Variants in AGPAT5 observed in about 807,000 individuals in gnomAD.
The protein encoded by AGPAT5 is 1-acyl-sn-glycerol-3-phosphate acyltransferase epsilon.
Under a neutral mutation model 45.6 loss-of-function variants are expected in AGPAT5, and 46 were observed. The ratio of observed to expected loss-of-function variants is 1.01; its 90% CI spans 0.80 to 1.29. The LOEUF (loss-of-function observed/expected upper bound fraction) is 1.29. Among genes scored for constraint, AGPAT5 ranks in the 50% most tolerant of loss-of-function variants. The probability of loss-of-function intolerance (pLI) is 0.00; values close to 1 mark genes in which losing one functional copy is unlikely to be tolerated. For missense variants in AGPAT5, 673 were observed against 450.7 expected (o/e 1.49, Z -4.47); for synonymous variants, 272 against 167.0 (o/e 1.63, Z -4.85).
intron 1 of AGPAT5, among the ~76,000 whole-genome samples, chr8:6,722,519 T>C (rs182855749): frequency 6.6e-6 from 1 of 152,346 alleles, no homozygotes; most frequent in East Asian, 1.9e-4. Flanking sequence ...TCTGTGACAT[T>C]GTGTTATGGA....
Position 6,759,963 on chromosome 8 carries a change from A to G in AGPAT5, c.*2575A>G, listed in dbSNP as rs974299037. ...TGCCTTAAATTAACTAAGTTGGTGA[A>G]TAAAAGTGCCGATCTGGCTAACTCT... On this transcript the variant is annotated 3_prime_UTR_variant, in exon 8 of 8. Transcript: ENST00000285518. 2.6e-5 allele frequency among the ~76,000 whole-genome samples: 4 copies of G among 152,240 alleles called. No individual in the cohort carries two copies. Among genetic ancestry groups the G allele is most frequent in the Non-Finnish European group, 5.9e-5 (4 of 68,048 alleles).
chr8:6,737,046 A>G (rs1016406208), intron 4 of AGPAT5, among the ~76,000 whole-genome samples: 1 of 152,240 alleles, frequency 6.6e-6, no homozygotes, highest in Non-Finnish European at 1.5e-5. Flanking sequence ...TGTTTTCAGT[A>G]GGAAGGTTGA....
intron 5 of AGPAT5, among the ~76,000 whole-genome samples, chr8:6,743,691 C>G (rs1162822084): frequency 6.6e-6 from 1 of 151,252 alleles, no homozygotes; most frequent in Non-Finnish European, 1.5e-5. Flanking sequence ...AGGTATTTGG[C>G]TTTCTAATGG....
intron 7 of AGPAT5, among the ~76,000 whole-genome samples, chr8:6,756,901 A>T (rs1801860294): frequency 1.3e-5 from 2 of 152,220 alleles, no homozygotes. Flanking sequence ...TAAAAGACAA[A>T]AAGCATCCTC....
chr8:6,738,649 C>T (rs1245295583), intron 4 of AGPAT5: 1 of 152,166 alleles, frequency 6.6e-6, no homozygotes, highest in Non-Finnish European at 1.5e-5. Context: ...CCGTGAAGCT[C>T]AGTAAAGCGA....
At chr8:6,715,201 G>C (rs900762971) in intron 1 of AGPAT5, among the ~76,000 whole-genome samples, 5 of 152,182 alleles carry the variant, frequency 3.3e-5, no homozygotes, top group Non-Finnish European at 7.4e-5. Context: ...AAAATTTACT[G>C]TGCCATGCCA....
chr8:6,710,519 C>T (rs1371300726), intron 1 of AGPAT5, among the ~76,000 whole-genome samples: 3 of 152,138 alleles, frequency 2.0e-5, no homozygotes, highest in Non-Finnish European at 4.4e-5. Flanking sequence ...ACTGATTGCC[C>T]ACTGATCATC....
At chr8:6,721,731 T>G (rs1389946912) in intron 1 of AGPAT5, among the ~76,000 whole-genome samples, 2 of 152,222 alleles carry the variant, frequency 1.3e-5, no homozygotes, top group African/African-American at 2.4e-5. Context: ...GACTGTTCCT[T>G]TACCCTTGTA....
At chr8:6,742,498 C>G (rs1199382934) in intron 5 of AGPAT5, among the ~76,000 whole-genome samples, 2 of 152,130 alleles carry the variant, frequency 1.3e-5, no homozygotes, top group African/African-American at 2.4e-5. Flanking sequence ...TTGATAGTCA[C>G]TCACTGAGCA....
At chr8:6,724,651 T>C (rs1441844417) in intron 1 of AGPAT5, among the ~76,000 whole-genome samples, 1 of 95,994 alleles carries the variant, frequency 1.0e-5, no homozygotes, top group Non-Finnish European at 2.0e-5. Flanking sequence ...ATATTGATTA[T>C]TCTATTTTAA....
intron 6 of AGPAT5, among the ~76,000 whole-genome samples, chr8:6,751,372 CTGTT>C (rs1801649773): frequency 6.6e-6 from 1 of 152,172 alleles, no homozygotes; most frequent in Non-Finnish European, 1.5e-5. Context: ...TGGGGGATCA[CTGTT>C]TGTCAGAATT....
At position 6,728,108 on chromosome 8, in the gene AGPAT5, C is replaced by A. The variant is rs139017691; in HGVS notation, c.290-2603C>A. Among the ~76,000 whole-genome samples, 248 of 152,318 alleles carry A rather than the reference C, an allele frequency of 1.6e-3. 1 individual carries two copies. Among genetic ancestry groups the A allele is most frequent in the African/African-American group, 5.8e-3 (241 of 41,566 alleles). ...CCTCATGAATTAGGAACTGCTGTTT[C>A]ATGAGGATAGGGATGAGGAAATTAG... On this transcript the variant is annotated intron_variant, in intron 2 of 7. Coordinates refer to ENST00000285518, the MANE Select transcript of AGPAT5 (RefSeq NM_018361.5).
intron 4 of AGPAT5, among the ~76,000 whole-genome samples, chr8:6,739,954 C>T (rs775801261): frequency 4.1e-4 from 62 of 152,188 alleles, no homozygotes; most frequent in Non-Finnish European, 7.7e-4. Context: ...GCAATCATAT[C>T]ATGATATGTA....
In AGPAT5 at chr8:6,723,763, G is replaced by C. The variant is rs543763996; in HGVS notation, c.220-1107G>C. ...TCTAAGGAAAGTAATGGAAACCTTTGTCACATCCCTGGCTTCCAGAACTTT... is the reference window on the plus strand; with the variant it reads ...TCTAAGGAAAGTAATGGAAACCTTTCTCACATCCCTGGCTTCCAGAACTTT... On this transcript the variant is annotated intron_variant, in intron 1 of 7. Transcript: ENST00000285518. Among the ~76,000 whole-genome samples the C allele has an allele frequency of 9.2e-5, 14 of 152,318 alleles. No individual in the cohort carries two copies. The South Asian group carries it at 2.3e-3, about 25-fold the overall frequency.
intron 1 of AGPAT5, among the ~76,000 whole-genome samples, chr8:6,715,939 G>A (rs755754106): frequency 5.3e-5 from 8 of 152,096 alleles, no homozygotes; most frequent in Non-Finnish European, 8.8e-5. Context: ...TTGAAGCATG[G>A]CATTCAAGGT....
chr8:6,716,872 G>A lies in AGPAT5; in HGVS notation c.219+7985G>A, dbSNP rs141008989. ...AAACAAAACAAAACAGAGAGAAAAGGCAGAGTACTCTAGGGAATTCTAGTC... is the reference window on the plus strand; with the variant it reads ...AAACAAAACAAAACAGAGAGAAAAGACAGAGTACTCTAGGGAATTCTAGTC... On this transcript the variant is annotated intron_variant, in intron 1 of 7. Transcript: ENST00000285518. Among the ~76,000 whole-genome samples, 1,373 of 152,192 alleles carry A rather than the reference G, an allele frequency of 9.0e-3. 28 individuals are homozygous for A. Among genetic ancestry groups the A allele is most frequent in the African/African-American group, 0.03 (1,257 of 41,504 alleles).
chr8:6,724,795 C>A, intron 1 of AGPAT5, 75 bp from the exon 2 acceptor site: 1 of 450,618 alleles, frequency 2.2e-6, no homozygotes, highest in Non-Finnish European at 3.8e-6. Context: ...TCGTCAGTTT[C>A]TTCACATTGT....
intron 4 of AGPAT5, among the ~76,000 whole-genome samples, chr8:6,733,959 T>C (rs1173891710): frequency 6.6e-6 from 1 of 152,176 alleles, no homozygotes; most frequent in African/African-American, 2.4e-5. Context: ...GCTGAAAAAA[T>C]CAGCTCTTTA....
chr8:6,720,010 T>C (rs1800450071), intron 1 of AGPAT5, among the ~76,000 whole-genome samples: 1 of 152,196 alleles, frequency 6.6e-6, no homozygotes, highest in East Asian at 1.9e-4. Context: ...ACACCCATGA[T>C]TGGATTGTCC....
Sources: allele counts gnomAD v4.1 joint callset (sites outside exome capture counted in the v4.1 genomes callset), GRCh38; gene constraint gnomAD v4.1.1; transcripts MANE v1.5; gene names NCBI Gene and HGNC (gene_info 2026-07-23, HGNC 2026-07-21).